Variants in SRGAP3 observed in about 807,000 individuals in gnomAD.
SRGAP3 encodes the protein SLIT-ROBO Rho GTPase-activating protein 3.
SRGAP3 carries 39 observed loss-of-function variants against 121.1 expected under a neutral mutation model. The ratio of observed to expected loss-of-function variants is 0.32; its 90% CI spans 0.25 to 0.42. The LOEUF (loss-of-function observed/expected upper bound fraction) is 0.42. SRGAP3 is among the 10% of genes least tolerant of loss of function. The pLI is 1.00. For synonymous variants in SRGAP3, 601 were observed against 570.0 expected (o/e 1.05, Z -0.77); for missense variants, 1,213 against 1,470.6 (o/e 0.82, Z 2.86).
Position 9,047,465 on chromosome 3 carries a change from T to G in SRGAP3, c.1334A>C (p.Glu445Ala). 6.2e-7 allele frequency: 1 copy of G among 1,614,168 alleles called. No individual in the cohort carries two copies. The highest frequency in any genetic ancestry group is 8.5e-7 in the Non-Finnish European group (1 of 1,180,038). The stretch of plus-strand genomic sequence containing the variant: ...GATGAGGTTACTGCCATTCACATAC[T>G]CTTTAAATTTCTGTAAGACACAAGG... ...TEMFYFTKFKEYVNGSNLITK... is the reference protein window; with the variant it reads ...TEMFYFTKFKAYVNGSNLITK... The change falls in exon 10 of 22, where the codon GAG (glutamate) becomes GCG (alanine). Residue 445 changes from glutamate (E) to alanine (A), a missense_variant. Physicochemically the swap from Glu to Ala is moderately radical, Grantham distance 107. This residue lies in a region of SRGAP3 where 793 missense variants were observed against 1,032.9 expected (regional missense o/e 0.77). Transcript: ENST00000383836.
Position 8,981,887 on chromosome 3 carries a change from C to G in SRGAP3, c.*3632G>C, listed in dbSNP as rs1003552735. On this transcript the variant is annotated 3_prime_UTR_variant, in exon 22 of 22. Coordinates refer to ENST00000383836, the MANE Select transcript of SRGAP3 (RefSeq NM_014850.4). ...GAGAAAAGACTCCAAAGTCTAATTC[C>G]CAAGCTCGCAATTCCCTCCGATTGT... The G allele has an allele frequency of 4.4e-6, 1 of 228,154 alleles. No homozygotes were observed. The highest frequency in any genetic ancestry group is 2.2e-5 in the African/African-American group (1 of 45,062). The allele number at this position is 228,154 out of a possible 1,614,324, so 14.1% of individuals were successfully genotyped here. A position where few individuals can be genotyped will look rare whatever the true frequency, so the allele number is the denominator to read the frequency against.
intron 1 of SRGAP3, among the ~76,000 whole-genome samples, chr3:9,174,675 C>A (rs962766628): frequency 6.6e-6 from 1 of 152,228 alleles, no homozygotes. Flanking sequence ...CCTCGCCTGA[C>A]CTTGCCCGTT....
intron 1 of SRGAP3, among the ~76,000 whole-genome samples, chr3:9,131,025 T>C (rs2287493): frequency 0.15 from 22,302 of 152,244 alleles, 1,892 homozygotes; most frequent in African/African-American, 0.23. Context: ...TGGCAGAGCA[T>C]CCTCTGCAGC....
chr3:9,029,024 G>A (rs1944347901), intron 12 of SRGAP3, among the ~76,000 whole-genome samples: 1 of 152,158 alleles, frequency 6.6e-6, no homozygotes, highest in African/African-American at 2.4e-5. Flanking sequence ...TGGAGGATGT[G>A]TGCCTTCTAG....
At chr3:9,171,421 A>G (rs996966701) in intron 1 of SRGAP3, among the ~76,000 whole-genome samples, 7 of 152,356 alleles carry the variant, frequency 4.6e-5, no homozygotes, top group Admixed American at 4.6e-4. Flanking sequence ...GAATGCCCAC[A>G]GTGCTAACAG....
At chr3:9,049,641 T>G (rs1047580035) in intron 9 of SRGAP3, among the ~76,000 whole-genome samples, 1 of 152,206 alleles carries the variant, frequency 6.6e-6, no homozygotes, top group Admixed American at 6.5e-5. Flanking sequence ...CTGGGGAGAC[T>G]GTCAACACGC....
At chr3:9,128,614 T>G (rs1434820302) in intron 1 of SRGAP3, among the ~76,000 whole-genome samples, 1 of 152,190 alleles carries the variant, frequency 6.6e-6, no homozygotes, top group African/African-American at 2.4e-5. Flanking sequence ...ACAAAAGAAA[T>G]CAGTGCTTAT....
intron 2 of SRGAP3, among the ~76,000 whole-genome samples, chr3:9,122,085 A>G (rs1219164609): frequency 1.3e-5 from 2 of 152,164 alleles, no homozygotes; most frequent in African/African-American, 4.8e-5. Flanking sequence ...TCAGAGCTTC[A>G]CCATCCTCAT....
intron 3 of SRGAP3, among the ~76,000 whole-genome samples, chr3:9,313,020 A>G (rs1467554004): frequency 6.6e-6 from 1 of 151,616 alleles, no homozygotes. Context: ...ACAAAAAACA[A>G]ACGTCATCTT....
At chr3:9,059,408 T>C (rs952053466) in intron 6 of SRGAP3, 2 of 152,216 alleles carry the variant, frequency 1.3e-5, no homozygotes, top group African/African-American at 4.8e-5. Flanking sequence ...TCCCTCTCCT[T>C]GCGATGCTGA....
At chr3:9,260,530 T>A (rs891224472) in intron 3 of SRGAP3, among the ~76,000 whole-genome samples, 1 of 152,184 alleles carries the variant, frequency 6.6e-6, no homozygotes, top group South Asian at 2.1e-4. Context: ...ATAAAGCCAC[T>A]GGGAAGTTCA....
chr3:9,070,516 C>A (rs1248536795), intron 4 of SRGAP3, among the ~76,000 whole-genome samples: 1 of 152,218 alleles, frequency 6.6e-6, no homozygotes, highest in African/African-American at 2.4e-5. Context: ...GAATGAATGA[C>A]TGGCTGGGCT....
At chr3:9,200,553 G>A (rs7637731) in intron 1 of SRGAP3, among the ~76,000 whole-genome samples, 6 of 152,304 alleles carry the variant, frequency 3.9e-5, no homozygotes, top group East Asian at 1.9e-4. Context: ...CCAAAAAGGC[G>A]TGGGCTGAAA....
intron 14 of SRGAP3, among the ~76,000 whole-genome samples, chr3:9,016,514 G>A (rs1178263858): frequency 2.6e-5 from 4 of 152,174 alleles, no homozygotes; most frequent in South Asian, 2.1e-4. Context: ...TAGAAGGCAC[G>A]TACGTCAGGC....
At chr3:9,128,926 G>A (rs1328396425) in intron 1 of SRGAP3, among the ~76,000 whole-genome samples, 1 of 152,202 alleles carries the variant, frequency 6.6e-6, no homozygotes, top group Non-Finnish European at 1.5e-5. Flanking sequence ...GAGGGAACAA[G>A]CATGGCTTCT....
chr3:9,129,998 G>A (rs1438612856), intron 1 of SRGAP3, among the ~76,000 whole-genome samples: 1 of 152,088 alleles, frequency 6.6e-6, no homozygotes, highest in Non-Finnish European at 1.5e-5. Flanking sequence ...CCGACCTCAG[G>A]TGATCTGCCC....
chr3:9,048,826 C>CA (rs1427375016), intron 9 of SRGAP3, among the ~76,000 whole-genome samples: 3 of 151,748 alleles, frequency 2.0e-5, no homozygotes, highest in Non-Finnish European at 2.9e-5. Context: ...CCTATCTCCA[C>CA]AAAAAAATAA....
chr3:9,242,077 CAAAAAAAAAAAAA>C (rs142186507), intron 1 of SRGAP3, among the ~76,000 whole-genome samples: 1 of 68,518 alleles, frequency 1.5e-5, no homozygotes, highest in African/African-American at 5.0e-5. Context: ...CACCCTAATT[CAAAAAAAAAAAAA>C]AAAAAAAAAG....
intron 1 of SRGAP3, among the ~76,000 whole-genome samples, chr3:9,135,336 C>T (rs906922455): frequency 6.6e-6 from 1 of 152,186 alleles, no homozygotes; most frequent in Non-Finnish European, 1.5e-5. Flanking sequence ...TTTATTACTC[C>T]GAATTTGCGC....
Sources: gnomAD v4.1 joint callset for allele counts (sites outside exome capture counted in the v4.1 genomes callset) on GRCh38, gnomAD v4.1.1 for gene constraint, gnomAD v4.1.1 regional missense constraint, MANE v1.5 for transcripts, NCBI Gene and HGNC (gene_info 2026-07-23, HGNC 2026-07-21) for gene names.